Variants in MIR2052HG observed in about 807,000 individuals in gnomAD.
MIR2052HG encodes MIR2052 host gene.
intron 4 of MIR2052HG, among the ~76,000 whole-genome samples, chr8:74,726,326 T>A (rs1400117439): frequency 6.6e-6 from 1 of 152,208 alleles, no homozygotes; most frequent in Admixed American, 6.5e-5. Context: ...TCACTATTGT[T>A]AAAACCAAAA....
At chr8:74,620,693 G>T (rs1808349508) in intron 2 of MIR2052HG, among the ~76,000 whole-genome samples, 1 of 152,252 alleles carries the variant, frequency 6.6e-6, no homozygotes, top group South Asian at 2.1e-4. Flanking sequence ...GCACAGAGCA[G>T]AGTGGCCTTG....
At chr8:74,647,890 G>A (rs1296099374) in intron 2 of MIR2052HG, among the ~76,000 whole-genome samples, 1 of 152,068 alleles carries the variant, frequency 6.6e-6, no homozygotes, top group African/African-American at 2.4e-5. Flanking sequence ...AATTTCTTAT[G>A]CTTGTCTTTA....
chr8:74,755,101 A>T (rs1348098388), intron 5 of MIR2052HG, among the ~76,000 whole-genome samples: 1 of 152,212 alleles, frequency 6.6e-6, no homozygotes, highest in Non-Finnish European at 1.5e-5. Flanking sequence ...CCGAAACTTT[A>T]CATCTTCTAA....
chr8:74,656,470 C>T (rs745922832), intron 2 of MIR2052HG, among the ~76,000 whole-genome samples: 6 of 152,262 alleles, frequency 3.9e-5, no homozygotes, highest in South Asian at 4.1e-4. Context: ...ATAAGTCTCA[C>T]GAGATCTGAT....
chr8:74,742,312 A>T (rs1809838957), intron 4 of MIR2052HG, among the ~76,000 whole-genome samples: 1 of 152,226 alleles, frequency 6.6e-6, no homozygotes, highest in African/African-American at 2.4e-5. Context: ...TAGATTGATG[A>T]TAAGAATACA....
intron 1 of MIR2052HG, among the ~76,000 whole-genome samples, chr8:74,608,034 CT>C (rs1055648351): frequency 6.6e-6 from 1 of 152,196 alleles, no homozygotes; most frequent in Non-Finnish European, 1.5e-5. Flanking sequence ...TGTCCAAAAA[CT>C]CTCCAGGTGG....
chr8:74,676,242 A>G (rs745709634), intron 2 of MIR2052HG, among the ~76,000 whole-genome samples: 33 of 152,086 alleles, frequency 2.2e-4, no homozygotes, highest in Non-Finnish European at 4.1e-4. Flanking sequence ...AAACATATGT[A>G]GATGCATAAA....
chr8:74,716,185 T>G (rs903674684), intron 4 of MIR2052HG, among the ~76,000 whole-genome samples: 1 of 151,658 alleles, frequency 6.6e-6, no homozygotes, highest in African/African-American at 2.4e-5. Context: ...GCTGGTGTAG[T>G]CTCCTCTCGC....
At chr8:74,689,740 G>T (rs1454812338) in intron 2 of MIR2052HG, among the ~76,000 whole-genome samples, 1 of 152,180 alleles carries the variant, frequency 6.6e-6, no homozygotes, top group East Asian at 1.9e-4. Flanking sequence ...AGAAGAAACT[G>T]AATGCAATGA....
chr8:74,630,308 C>T (rs1469733362), intron 2 of MIR2052HG, among the ~76,000 whole-genome samples: 1 of 152,030 alleles, frequency 6.6e-6, no homozygotes, highest in Non-Finnish European at 1.5e-5. Context: ...CCTCTTCTCT[C>T]CCAGGCAGTG....
intron 5 of MIR2052HG, among the ~76,000 whole-genome samples, chr8:74,754,842 A>G (rs1333134394): frequency 1.3e-5 from 2 of 152,190 alleles, no homozygotes; most frequent in Non-Finnish European, 2.9e-5. Flanking sequence ...GGCCACTGAA[A>G]TTTTTATTAT....
At chr8:74,630,288 ATG>A (rs1268615868) in intron 2 of MIR2052HG, among the ~76,000 whole-genome samples, 2 of 152,122 alleles carry the variant, frequency 1.3e-5, no homozygotes, top group Non-Finnish European at 2.9e-5. Context: ...TGGACTGAAA[ATG>A]AAGTTTCCCT....
intron 4 of MIR2052HG, among the ~76,000 whole-genome samples, chr8:74,747,885 C>T (rs535476692): frequency 3.3e-5 from 5 of 152,192 alleles, no homozygotes; most frequent in Admixed American, 6.6e-5. Flanking sequence ...TTCATTCCCC[C>T]TAGAAAATTT....
At position 74,646,043 on chromosome 8, in the gene MIR2052HG, A is replaced by C. The variant is rs567722372; in HGVS notation, n.216+33103A>C. 2.0e-5 allele frequency among the ~76,000 whole-genome samples: 3 copies of C among 152,318 alleles called. No homozygotes were observed. The East Asian group carries it at 5.8e-4, about 29-fold the overall frequency. On this transcript the variant is annotated intron_variant and non_coding_transcript_variant, in intron 2 of 6. Transcript: ENST00000523442. ...TACTTATTTGCAAAGCTTTGTGCTA[A>C]TCACTGGGGATACAAAAGCTATTAA...
At chr8:74,661,192 C>G (rs1228094634) in intron 2 of MIR2052HG, among the ~76,000 whole-genome samples, 2 of 147,568 alleles carry the variant, frequency 1.4e-5, no homozygotes, top group Non-Finnish European at 3.0e-5. Flanking sequence ...TGGATGCCAG[C>G]TTAGGTCCTT....
chr8:74,676,696 G>C (rs1258419397), intron 2 of MIR2052HG, among the ~76,000 whole-genome samples: 1 of 151,894 alleles, frequency 6.6e-6, no homozygotes, highest in Non-Finnish European at 1.5e-5. Flanking sequence ...TGAGAATAAA[G>C]ATGAATAAGT....
chr8:74,616,333 T>A (rs1322244180), intron 2 of MIR2052HG, among the ~76,000 whole-genome samples: 1 of 150,880 alleles, frequency 6.6e-6, no homozygotes, highest in African/African-American at 2.4e-5. Flanking sequence ...TATCTCACTG[T>A]GGTTTTGATT....
At chr8:74,609,309 T>G (rs1350573024) in intron 1 of MIR2052HG, among the ~76,000 whole-genome samples, 2 of 151,952 alleles carry the variant, frequency 1.3e-5, no homozygotes, top group Non-Finnish European at 2.9e-5. Context: ...TAGTTAAAAA[T>G]TTTTTACACA....
At chr8:74,600,040 A>AC (rs968397145) in intron 1 of MIR2052HG, 1 of 152,792 alleles carries the variant, frequency 6.5e-6, no homozygotes, top group African/African-American at 2.4e-5. Context: ...GAACTCCCTG[A>AC]CCCCTTGCGC....
Sources: gnomAD v4.1 joint callset for allele counts (sites outside exome capture counted in the v4.1 genomes callset) on GRCh38, gnomAD v4.1.1 for gene constraint, MANE v1.5 for transcripts, NCBI Gene and HGNC (gene_info 2026-07-23, HGNC 2026-07-21) for gene names.